ZNF385B: variants seen among roughly 807,000 people sequenced by gnomAD.
ZNF385B encodes zinc finger protein 533.
A neutral mutation model predicts 39.2 loss-of-function variants in ZNF385B; 23 were observed. The observed-to-expected ratio is 0.59, with a 90% CI of 0.42 to 0.83. The LOEUF (loss-of-function observed/expected upper bound fraction) is 0.83, where lower values mean the gene tolerates loss of function less well. Among genes scored for constraint, ZNF385B ranks in the 40% least tolerant of loss-of-function variants. ZNF385B has a pLI of 0.00. For synonymous variants in ZNF385B, 205 were observed against 222.6 expected (o/e 0.92, Z 0.70); for missense variants, 552 against 598.9 (o/e 0.92, Z 0.82).
chr2:179,667,717 T>A (rs1293337979), intron 3 of ZNF385B, among the ~76,000 whole-genome samples: 2 of 152,014 alleles, frequency 1.3e-5, no homozygotes, highest in African/African-American at 4.8e-5. Context: ...AAGCCAGAGT[T>A]TATAGGGAAG....
chr2:179,631,797 T>C (rs772633831), intron 3 of ZNF385B, among the ~76,000 whole-genome samples: 28 of 151,938 alleles, frequency 1.8e-4, no homozygotes, highest in Non-Finnish European at 3.5e-4. Flanking sequence ...AACTCACATG[T>C]AGGCTCAAAA....
At chr2:179,651,611 G>A (rs1693200286) in intron 3 of ZNF385B, among the ~76,000 whole-genome samples, 1 of 151,806 alleles carries the variant, frequency 6.6e-6, no homozygotes, top group Non-Finnish European at 1.5e-5. Flanking sequence ...ACTCAACCTC[G>A]TTCACTACAA....
chr2:179,765,461 C>A (rs1339759908), intron 3 of ZNF385B, among the ~76,000 whole-genome samples: 5 of 152,130 alleles, frequency 3.3e-5, no homozygotes, highest in Admixed American at 2.0e-4. Flanking sequence ...GTGTTTATGG[C>A]CTGGCTGTCA....
intron 3 of ZNF385B, among the ~76,000 whole-genome samples, chr2:179,710,665 T>C (rs974522564): frequency 6.6e-6 from 1 of 152,190 alleles, no homozygotes; most frequent in African/African-American, 2.4e-5. Context: ...CAGAACTTCT[T>C]GTGTCTTGTT....
chr2:179,673,317 A>G (rs1449364104), intron 3 of ZNF385B, among the ~76,000 whole-genome samples: 1 of 152,194 alleles, frequency 6.6e-6, no homozygotes, highest in Non-Finnish European at 1.5e-5. Context: ...TGAGCTCACA[A>G]TCCAAAATTA....
intron 3 of ZNF385B, among the ~76,000 whole-genome samples, chr2:179,721,709 A>G (rs1700709165): frequency 6.6e-6 from 1 of 152,004 alleles, no homozygotes; most frequent in Non-Finnish European, 1.5e-5. Flanking sequence ...TATACTAGTA[A>G]GAAAATTTCA....
At chr2:179,838,151 A>G (rs753579911) in intron 1 of ZNF385B, among the ~76,000 whole-genome samples, 5 of 152,240 alleles carry the variant, frequency 3.3e-5, no homozygotes, top group Non-Finnish European at 5.9e-5. Flanking sequence ...CTTGTGTTAT[A>G]CAGATCAAGG....
chr2:179,464,404 T>G (rs1340715706), intron 6 of ZNF385B, among the ~76,000 whole-genome samples: 1 of 152,246 alleles, frequency 6.6e-6, no homozygotes, highest in African/African-American at 2.4e-5. Context: ...TTCGGTGTTT[T>G]AGACATGAAG....
intron 1 of ZNF385B, among the ~76,000 whole-genome samples, chr2:179,790,823 T>C (rs1705282085): frequency 6.6e-6 from 1 of 152,264 alleles, no homozygotes; most frequent in Admixed American, 6.5e-5. Context: ...AGATGACCTC[T>C]AAAATTCCTC....
chr2:179,745,795 G>C (rs1353521526), intron 3 of ZNF385B: 1 of 1,515,316 alleles, frequency 6.6e-7, no homozygotes, highest in Non-Finnish European at 8.8e-7. Context: ...AAAACTTCCA[G>C]TATGTGACCA....
chr2:179,781,127 T>C (rs1339931028), intron 1 of ZNF385B, among the ~76,000 whole-genome samples: 1 of 152,168 alleles, frequency 6.6e-6, no homozygotes, highest in Non-Finnish European at 1.5e-5. Context: ...GGTTTACTTT[T>C]TGGAAACTGA....
At chr2:179,634,766 C>A (rs183373266) in intron 3 of ZNF385B, among the ~76,000 whole-genome samples, 2 of 152,030 alleles carry the variant, frequency 1.3e-5, no homozygotes, top group Non-Finnish European at 2.9e-5. Context: ...ATGTTTATTG[C>A]GCCACTATTC....
chr2:179,659,099 C>T (rs1483010495), intron 3 of ZNF385B, among the ~76,000 whole-genome samples: 1 of 152,190 alleles, frequency 6.6e-6, no homozygotes, highest in African/African-American at 2.4e-5. Context: ...TTCTTTATAC[C>T]TCCAAAATAA....
rs138977917 is a variant in ZNF385B, at chr2:179,651,939, C to T, written c.299-106970G>A. On this transcript the variant is annotated intron_variant, in intron 3 of 9. Coordinates refer to ENST00000410066, the MANE Select transcript of ZNF385B (RefSeq NM_152520.6). ...ACCTTTTCTCCAGAAAACAACGGAA[C>T]GGAAAAGAGAATCAAAAAGTCATTT... 7.2e-4 allele frequency among the ~76,000 whole-genome samples: 109 copies of T among 152,086 alleles called. 1 individual carries two copies. The South Asian group carries it at 8.1e-3, about 11-fold the overall frequency.
At chr2:179,592,464 TAAA>T (rs1182131196) in intron 3 of ZNF385B, among the ~76,000 whole-genome samples, 1 of 152,140 alleles carries the variant, frequency 6.6e-6, no homozygotes, top group East Asian at 1.9e-4. Flanking sequence ...TACACCTCAC[TAAA>T]AAACTGAGAA....
chr2:179,774,496 G>A (rs1321143284), intron 1 of ZNF385B, among the ~76,000 whole-genome samples: 3 of 152,072 alleles, frequency 2.0e-5, no homozygotes, highest in Non-Finnish European at 4.4e-5. Context: ...GAGTAACTGG[G>A]ACTACAGGGG....
At chr2:179,649,859 GA>G (rs891452803) in intron 3 of ZNF385B, among the ~76,000 whole-genome samples, 11 of 149,994 alleles carry the variant, frequency 7.3e-5, no homozygotes, top group African/African-American at 2.2e-4. Flanking sequence ...GCTTTAATTT[GA>G]AAAAAAAAGT....
intron 3 of ZNF385B, among the ~76,000 whole-genome samples, chr2:179,658,098 T>A (rs1053763793): frequency 6.6e-6 from 1 of 152,222 alleles, no homozygotes; most frequent in Non-Finnish European, 1.5e-5. Context: ...ATAGATGAAT[T>A]CAACTGCAGG....
chr2:179,859,077 T>C (rs1167565010), intron 1 of ZNF385B, among the ~76,000 whole-genome samples: 1 of 152,158 alleles, frequency 6.6e-6, no homozygotes, highest in Non-Finnish European at 1.5e-5. Flanking sequence ...ATCAGGTCAC[T>C]TGCCTGAGAA....
Sources: allele counts gnomAD v4.1 joint callset (sites outside exome capture counted in the v4.1 genomes callset), GRCh38; gene constraint gnomAD v4.1.1; transcripts MANE v1.5; gene names NCBI Gene and HGNC (gene_info 2026-07-23, HGNC 2026-07-21).